The following DOCK1 variants were observed in gnomAD, a reference collection of about 807,000 sequenced individuals.
DOCK1 encodes dedicator of cytokinesis protein 1.
In DOCK1, 138 loss-of-function variants were observed where a neutral mutation model predicts 262.7. That is an observed-to-expected ratio of 0.53 (90% CI 0.46 to 0.61). DOCK1 has a LOEUF of 0.61. DOCK1 is among the 20% of genes least tolerant of loss of function. The pLI is 0.00. For synonymous variants in DOCK1, 866 were observed against 867.4 expected, an observed-to-expected ratio of 1.00 and a Z score of 0.03; for missense variants, 1,908 against 2,370.7, an observed-to-expected ratio of 0.80 and a Z score of 4.05.
chr10:127,368,633 G>A (rs2065050004), intron 33 of DOCK1, among the ~76,000 whole-genome samples: 2 of 152,040 alleles, frequency 1.3e-5, no homozygotes, highest in Admixed American at 6.5e-5. Flanking sequence ...GAGGCATTGG[G>A]GTCTTCGCGC....
intron 29 of DOCK1, among the ~76,000 whole-genome samples, chr10:127,263,726 G>A (rs1023007912): frequency 6.6e-6 from 1 of 151,756 alleles, no homozygotes; most frequent in Non-Finnish European, 1.5e-5. Context: ...TGACTTGCTC[G>A]GATTCACGCT....
intron 29 of DOCK1, among the ~76,000 whole-genome samples, chr10:127,324,973 C>T (rs1343567223): frequency 6.6e-6 from 1 of 152,162 alleles, no homozygotes; most frequent in African/African-American, 2.4e-5. Context: ...CAGGGTCCAG[C>T]GTTGGGCACT....
At chr10:127,321,374 TTC>T (rs57558669) in intron 29 of DOCK1, among the ~76,000 whole-genome samples, 1,723 of 146,174 alleles carry the variant, frequency 0.012, 52 homozygotes, top group African/African-American at 0.043. Flanking sequence ...CATTTTTTTT[TTC>T]TTCTGCCCGG....
At position 126,905,562 on chromosome 10, in the gene DOCK1, G is replaced by C. The variant is rs866958600; in HGVS notation, c.45G>C (p.Val15=). 3 of 442,572 alleles carry C rather than the reference G, an allele frequency of 6.8e-6. No homozygotes were observed. In the South Asian group the frequency reaches 1.1e-4, roughly 16 times the overall value. 27.4% of individuals were successfully genotyped at this position (442,572 alleles called of 1,614,324 possible). ...CCAAGCGCGAGGAGAAGTACGGCGT[G>C]GGTGAGCAGCGCCGCCGCCGCCGCG... ...VPTKREEKYG[V]AFYNYDARGA... is the part of the protein sequence containing the mutation. Residue 15 remains valine, a splice_region_variant and synonymous_variant, in exon 1 of 52, where the codon GTG becomes GTC. Transcript: ENST00000623213.
Position 126,981,921 on chromosome 10 carries a change from A to T in DOCK1, c.175A>T (p.Ile59Leu), listed in dbSNP as rs779095586. 9 of 1,613,130 alleles carry T rather than the reference A, an allele frequency of 5.6e-6. No homozygotes were observed. The South Asian group carries it at 9.9e-5, about 18-fold the overall frequency. ...YTLRKKSKKG[I>L]FPASYIHLKE... The stretch of plus-strand genomic sequence containing the variant: ...TGTTTTTTTTTTCCTCCCAAAGGGT[A>T]TATTTCCTGCTTCATATATTCATCT... The change falls in exon 4 of 52, where the codon ATA becomes TTA. Residue 59 changes from isoleucine (I) to leucine (L), a missense_variant. This residue lies in a region of DOCK1 where 227 missense variants were observed against 254.1 expected (regional missense o/e 0.89). Transcript: ENST00000623213.
chr10:127,439,388 G>A (rs1591065581), intron 49 of DOCK1, 163 bp downstream of exon 49: 3 of 711,476 alleles, frequency 4.2e-6, no homozygotes, highest in Non-Finnish European at 6.8e-6. Flanking sequence ...ATGTCCCAAG[G>A]CAGTAGGACA....
chr10:127,190,393 C>A (rs1010196108), intron 27 of DOCK1, among the ~76,000 whole-genome samples: 1 of 152,156 alleles, frequency 6.6e-6, no homozygotes, highest in Non-Finnish European at 1.5e-5. Context: ...GAAAACAATT[C>A]TTTCCCAATC....
chr10:126,982,229 G>A (rs1420336619), intron 4 of DOCK1, among the ~76,000 whole-genome samples: 1 of 152,180 alleles, frequency 6.6e-6, no homozygotes, highest in South Asian at 2.1e-4. Context: ...CTATTGGAAA[G>A]CATTCGCCCT....
intron 45 of DOCK1, among the ~76,000 whole-genome samples, chr10:127,419,412 C>G (rs1565077347): frequency 1.3e-5 from 2 of 152,198 alleles, no homozygotes; most frequent in Non-Finnish European, 2.9e-5. Context: ...GCCACCAGGT[C>G]AGCTGTGGCC....
chr10:127,443,116 G>A (rs11018098), intron 49 of DOCK1, among the ~76,000 whole-genome samples: 48,371 of 151,890 alleles, frequency 0.32, 8,147 homozygotes, highest in East Asian at 0.44. Flanking sequence ...CATCTCTGGT[G>A]TTTCTTGGCT....
At chr10:126,913,502 G>A (rs544686207) in intron 1 of DOCK1, among the ~76,000 whole-genome samples, 2 of 152,168 alleles carry the variant, frequency 1.3e-5, no homozygotes, top group African/African-American at 2.4e-5. Flanking sequence ...GTGGCCCTCC[G>A]TGGCCTTGGG....
chr10:126,982,063 T>G (rs2039023283), intron 4 of DOCK1, 90 bp downstream of exon 4: 1 of 1,385,926 alleles, frequency 7.2e-7, no homozygotes, highest in Non-Finnish European at 1.0e-6. Flanking sequence ...TATGAGAGGG[T>G]CAAGACAATG....
chr10:127,064,987 C>T (rs1057365217), intron 23 of DOCK1, among the ~76,000 whole-genome samples: 1 of 152,146 alleles, frequency 6.6e-6, no homozygotes, highest in South Asian at 2.1e-4. Context: ...TGGACTCATA[C>T]CACATTTGTC....
At chr10:127,353,118 G>A (rs1322420088) in intron 31 of DOCK1, among the ~76,000 whole-genome samples, 3 of 152,146 alleles carry the variant, frequency 2.0e-5, no homozygotes, top group Admixed American at 6.5e-5. Flanking sequence ...CTGCTTGGCT[G>A]GAAGGGGACT....
At chr10:126,922,071 G>T (rs903344557) in intron 1 of DOCK1, among the ~76,000 whole-genome samples, 3 of 151,870 alleles carry the variant, frequency 2.0e-5, no homozygotes, top group African/African-American at 4.8e-5. Context: ...AATTAGCCAG[G>T]CGTGGTGGCA....
At chr10:126,982,279 G>A (rs1029502463) in intron 4 of DOCK1, among the ~76,000 whole-genome samples, 1 of 152,138 alleles carries the variant, frequency 6.6e-6, no homozygotes, top group African/African-American at 2.4e-5. Flanking sequence ...GACTTCATTT[G>A]GCAGAGACTC....
chr10:127,257,980 G>C (rs921883070), intron 29 of DOCK1, among the ~76,000 whole-genome samples: 2 of 152,108 alleles, frequency 1.3e-5, no homozygotes, highest in Non-Finnish European at 2.9e-5. Context: ...TCTCAATCAC[G>C]TGGGATTTTT....
Position 127,419,899 on chromosome 10 carries a change from G to A in DOCK1, c.4776+150G>A, listed in dbSNP as rs1402323534. On this transcript the variant is annotated intron_variant, in intron 46 of 51. Transcript: ENST00000623213. ...TTGTCCCTGGGTGAACCCACCCACT[G>A]CTGTCGTGATCAACTCAGCTCCTGG... 6.3e-6 allele frequency: 5 copies of A among 790,238 alleles called. No individual in the cohort carries two copies. In the African/African-American group the frequency reaches 8.6e-5, roughly 14 times the overall value. 49.0% of individuals were successfully genotyped at this position (790,238 alleles called of 1,614,324 possible).
Position 127,354,854 on chromosome 10 carries a change from G to A in DOCK1, c.3283+127G>A, listed in dbSNP as rs575329349. ...GGCTTCTGTTCCTTGGACAGCAGTT[G>A]CTACTCTTTGTAGTAACTGTTTTCA... On this transcript the variant is annotated intron_variant, in intron 32 of 51. Coordinates refer to ENST00000623213, the MANE Select transcript of DOCK1 (RefSeq NM_001290223.2). 3.1e-4 allele frequency: 339 copies of A among 1,099,954 alleles called. 5 individuals carry two copies. The South Asian group carries it at 4.7e-3, about 15-fold the overall frequency. The allele number at this position is 1,099,954 out of a possible 1,614,324, so 68.1% of individuals were successfully genotyped here.
Sources: allele counts gnomAD v4.1 joint callset (sites outside exome capture counted in the v4.1 genomes callset), GRCh38; gene constraint gnomAD v4.1.1; regional missense constraint gnomAD v4.1.1; transcripts MANE v1.5; gene names NCBI Gene and HGNC (gene_info 2026-07-23, HGNC 2026-07-21).